The following TAS2R1 variants were observed in gnomAD, a reference collection of about 807,000 sequenced individuals.
TAS2R1 encodes taste 2 receptor member 1, also known as taste receptor type 2 member 1.
For missense variants in TAS2R1, 370 were observed against 353.4 expected, an observed-to-expected ratio of 1.05 and a Z score of -0.38; for synonymous variants, 141 against 134.2, an observed-to-expected ratio of 1.05 and a Z score of -0.35.
chr5:9,726,722 T>C, the TAS2R1 span, among the ~76,000 whole-genome samples: 1 of 152,188 alleles, frequency 6.6e-6, no homozygotes, highest in African/African-American at 2.4e-5. Context: ...TTGAAGTCAG[T>C]GAGACCAAGA....
the TAS2R1 span, among the ~76,000 whole-genome samples, chr5:9,732,766 G>C: frequency 6.6e-6 from 1 of 152,180 alleles, no homozygotes; most frequent in Non-Finnish European, 1.5e-5. Flanking sequence ...TGCTGAGAAA[G>C]AGAACCAATG....
At chr5:9,702,028 C>T (rs1028602600) in intron 1 of TAS2R1, among the ~76,000 whole-genome samples, 6 of 152,100 alleles carry the variant, frequency 3.9e-5, no homozygotes, top group Admixed American at 6.5e-5. Context: ...ACATTTAGGA[C>T]GATGTTGAGC....
chr5:9,629,231 T>C lies in TAS2R1; in HGVS notation c.802A>G (p.Ile268Val), dbSNP rs1739817629. The C allele has an allele frequency of 1.2e-6, 2 of 1,613,542 alleles. No homozygotes were observed. The highest frequency in any genetic ancestry group is 1.7e-6 in the Non-Finnish European group (2 of 1,179,900). ...IFLFFILVIG[I>V]YPSGHSLILI... ...ATGAGAGAGTGTCCAGAAGGGTATA[T>C]ACCAATCACAAGGATGAAGAACAGA... Residue 268 changes from isoleucine (I) to valine (V), a missense_variant, in exon 1 of 1, where the codon ATA (isoleucine) becomes GTA (valine). Ile to Val is a conservative substitution (Grantham distance 29). Transcript: ENST00000382492.
the TAS2R1 span, among the ~76,000 whole-genome samples, chr5:9,762,921 C>T: frequency 1.3e-5 from 2 of 151,950 alleles, no homozygotes; most frequent in African/African-American, 4.8e-5. Context: ...AAGGAAAAAC[C>T]ATGTCTCATT....
the TAS2R1 span, among the ~76,000 whole-genome samples, chr5:9,889,352 G>A: frequency 4.1e-4 from 62 of 152,278 alleles, no homozygotes; most frequent in African/African-American, 1.4e-3. Flanking sequence ...GAGAAGGAGA[G>A]TCCCAAATTC....
At chr5:9,726,447 G>A in the TAS2R1 span, among the ~76,000 whole-genome samples, 503 of 152,254 alleles carry the variant, frequency 3.3e-3, 1 homozygote, top group African/African-American at 0.011. Context: ...GTGGCAACCC[G>A]CTCGGGTCCC....
At chr5:9,825,285 C>T in the TAS2R1 span, among the ~76,000 whole-genome samples, 3 of 152,254 alleles carry the variant, frequency 2.0e-5, no homozygotes, top group Admixed American at 2.0e-4. Context: ...GGAGGCCTCA[C>T]AATCACAGCA....
At chr5:9,810,180 C>A in the TAS2R1 span, among the ~76,000 whole-genome samples, 732 of 152,330 alleles carry the variant, frequency 4.8e-3, 6 homozygotes, top group African/African-American at 0.017. Context: ...CCCAATCTGT[C>A]TTTTGTTTCC....
At chr5:9,874,905 C>T in the TAS2R1 span, among the ~76,000 whole-genome samples, 2 of 152,136 alleles carry the variant, frequency 1.3e-5, no homozygotes, top group African/African-American at 4.8e-5. Flanking sequence ...TTAAACTTCC[C>T]CCAAAAGTAA....
intron 2 of TAS2R1, among the ~76,000 whole-genome samples, chr5:9,645,309 T>C (rs75905918): frequency 0.013 from 1,947 of 152,292 alleles, 39 homozygotes; most frequent in African/African-American, 0.044. Flanking sequence ...TTGCCCTCAG[T>C]CATGCAGCTA....
chr5:9,744,919 G>T, the TAS2R1 span, among the ~76,000 whole-genome samples: 10 of 152,176 alleles, frequency 6.6e-5, no homozygotes, highest in Non-Finnish European at 1.2e-4. Flanking sequence ...AAATGTACCT[G>T]TTCAAAGTTT....
upstream of TAS2R1, among the ~76,000 whole-genome samples, chr5:9,634,821 T>C (rs1739936012): frequency 6.6e-6 from 1 of 152,102 alleles, no homozygotes; most frequent in Admixed American, 6.5e-5. Context: ...ACTGAATTCA[T>C]TTATCTGATC....
the TAS2R1 span, among the ~76,000 whole-genome samples, chr5:9,822,480 G>T: frequency 6.6e-6 from 1 of 151,386 alleles, no homozygotes; most frequent in East Asian, 1.9e-4. Flanking sequence ...CTCCCAAGTA[G>T]CTGGGACTAC....
the TAS2R1 span, among the ~76,000 whole-genome samples, chr5:9,724,775 C>G: frequency 6.6e-6 from 1 of 152,206 alleles, no homozygotes; most frequent in Non-Finnish European, 1.5e-5. Context: ...TGTGTACCCA[C>G]TTGGCTGGAC....
At chr5:9,890,098 G>A in the TAS2R1 span, among the ~76,000 whole-genome samples, 5 of 150,942 alleles carry the variant, frequency 3.3e-5, no homozygotes, top group South Asian at 1.1e-3. Context: ...AAAATATAGG[G>A]TAAAAAGAAA....
At chr5:9,895,910 T>C in the TAS2R1 span, among the ~76,000 whole-genome samples, 5 of 152,348 alleles carry the variant, frequency 3.3e-5, no homozygotes, top group Non-Finnish European at 5.9e-5. Flanking sequence ...CGCATCTGAA[T>C]TTCAACCTCC....
the TAS2R1 span, among the ~76,000 whole-genome samples, chr5:9,811,243 T>C: frequency 6.6e-6 from 1 of 152,184 alleles, no homozygotes; most frequent in African/African-American, 2.4e-5. Flanking sequence ...CACCAGACAC[T>C]GAATCTGCTG....
chr5:9,794,237 A>G, the TAS2R1 span, among the ~76,000 whole-genome samples: 1 of 152,250 alleles, frequency 6.6e-6, no homozygotes, highest in Non-Finnish European at 1.5e-5. Flanking sequence ...TGAATTTGAA[A>G]GAAATAAGAT....
chr5:9,658,233 C>T (rs1740455294), intron 2 of TAS2R1, among the ~76,000 whole-genome samples: 1 of 152,306 alleles, frequency 6.6e-6, no homozygotes, highest in Admixed American at 6.5e-5. Context: ...ATTCTCACAA[C>T]TCTGTGAGGG....
Sources: allele counts gnomAD v4.1 joint callset (sites outside exome capture counted in the v4.1 genomes callset), GRCh38; gene constraint gnomAD v4.1.1; transcripts MANE v1.5; gene names NCBI Gene and HGNC (gene_info 2026-07-23, HGNC 2026-07-21).